ATP8A2: variants seen among roughly 807,000 people sequenced by gnomAD.
ATP8A2 encodes the protein ATPase phospholipid transporting 8A2, also known as phospholipid-transporting ATPase IB.
Under a neutral mutation model 165.6 loss-of-function variants are expected in ATP8A2, and 100 were observed. The observed-to-expected ratio is 0.60, with a 90% CI of 0.51 to 0.71. ATP8A2 has a LOEUF of 0.71. Among genes scored for constraint, ATP8A2 ranks in the 30% least tolerant of loss-of-function variants. ATP8A2 has a pLI of 0.00. For synonymous variants in ATP8A2, 543 were observed against 548.8 expected (o/e 0.99, Z 0.15); for missense variants, 1,227 against 1,479.5 (o/e 0.83, Z 2.80).
chr13:25,872,847 T>C (rs1358676788), intron 33 of ATP8A2, among the ~76,000 whole-genome samples: 2 of 152,180 alleles, frequency 1.3e-5, no homozygotes, highest in Non-Finnish European at 2.9e-5. Context: ...CAAAATATTA[T>C]CACTTTGAGA....
At chr13:25,934,128 G>C (rs1422700364) in intron 33 of ATP8A2, among the ~76,000 whole-genome samples, 1 of 152,238 alleles carries the variant, frequency 6.6e-6, no homozygotes, top group African/African-American at 2.4e-5. Context: ...AGTGTCAGTT[G>C]CTAACAGTTT....
At chr13:25,465,703 CTTT>C (rs1593346424) in intron 1 of ATP8A2, among the ~76,000 whole-genome samples, 8 of 20,872 alleles carry the variant, frequency 3.8e-4, no homozygotes, top group African/African-American at 9.1e-4. Context: ...TTCTTTCTTT[CTTT>C]CTTTCTTTCT....
chr13:26,004,469 G>T lies in ATP8A2; in HGVS notation c.3378-8062G>T, dbSNP rs147460614. Among the ~76,000 whole-genome samples the T allele has an allele frequency of 7.2e-3, 1,094 of 152,046 alleles. 6 individuals carry two copies. Among genetic ancestry groups the T allele is most frequent in the Non-Finnish European group, 0.011 (726 of 67,892 alleles). ...TGTACCAACAAACAGAGATAATTTT[G>T]CTTTTTTCTTTCCTATCAGGATACC... is the stretch of plus-strand genomic sequence containing the variant. On this transcript the variant is annotated intron_variant, in intron 35 of 36. Transcript: ENST00000381655.
At chr13:25,654,539 G>A (rs2041884671) in intron 24 of ATP8A2, among the ~76,000 whole-genome samples, 2 of 152,130 alleles carry the variant, frequency 1.3e-5, no homozygotes, top group South Asian at 4.1e-4. Context: ...TTGTTATGAT[G>A]TTAAGTCATT....
intron 1 of ATP8A2, among the ~76,000 whole-genome samples, chr13:25,446,822 A>G (rs2035081237): frequency 6.6e-6 from 1 of 151,470 alleles, no homozygotes; most frequent in Non-Finnish European, 1.5e-5. Flanking sequence ...TATATAAGAG[A>G]ACTTTGATTT....
rs1302109543 is a variant in ATP8A2 at position 26,023,356 on chromosome 13, G to A, written c.*3371G>A. ...GGAATATCCTGAGAAGTGAACCTGGGCTTTGGGAGAGCTCAGCTGAGAATT... is the reference window on the plus strand; with the variant it reads ...GGAATATCCTGAGAAGTGAACCTGGACTTTGGGAGAGCTCAGCTGAGAATT... On this transcript the variant is annotated 3_prime_UTR_variant, in exon 37 of 37. Coordinates refer to ENST00000381655, the MANE Select transcript of ATP8A2 (RefSeq NM_016529.6). 1 of 152,146 alleles carries A rather than the reference G, an allele frequency of 6.6e-6. No individual in the cohort carries two copies. The highest frequency in any genetic ancestry group is 1.9e-4 in the East Asian group (1 of 5,182). 9.4% of individuals were successfully genotyped at this position (152,146 alleles called of 1,614,324 possible).
intron 35 of ATP8A2, among the ~76,000 whole-genome samples, chr13:25,978,635 AC>A (rs1344823212): frequency 6.6e-6 from 1 of 152,122 alleles, no homozygotes; most frequent in Admixed American, 6.5e-5. Flanking sequence ...CTGGACTGTT[AC>A]AGGCAAAAAG....
chr13:25,650,385 TG>T (rs1290739548), intron 24 of ATP8A2, among the ~76,000 whole-genome samples: 1 of 152,210 alleles, frequency 6.6e-6, no homozygotes, highest in Non-Finnish European at 1.5e-5. Context: ...ACATTAGTTT[TG>T]TGATCTAGGA....
chr13:25,502,291 A>G (rs2036878373), intron 2 of ATP8A2, among the ~76,000 whole-genome samples: 1 of 152,242 alleles, frequency 6.6e-6, no homozygotes, highest in South Asian at 2.1e-4. Context: ...GCAATGAAAA[A>G]GGAGAAATAA....
chr13:25,839,925 G>A (rs1430734202), intron 30 of ATP8A2, among the ~76,000 whole-genome samples: 3 of 152,160 alleles, frequency 2.0e-5, no homozygotes, highest in East Asian at 1.9e-4. Context: ...GCCCTGTACT[G>A]TAATGAAATG....
At chr13:25,738,347 C>A (rs976897695) in intron 25 of ATP8A2, among the ~76,000 whole-genome samples, 6 of 144,108 alleles carry the variant, frequency 4.2e-5, no homozygotes, top group African/African-American at 1.3e-4. Flanking sequence ...CCCTCCCCCC[C>A]CCCCACACAC....
At chr13:25,464,207 G>A (rs931990303) in intron 1 of ATP8A2, among the ~76,000 whole-genome samples, 1 of 152,104 alleles carries the variant, frequency 6.6e-6, no homozygotes, top group African/African-American at 2.4e-5. Context: ...TGGGCACCTG[G>A]TGGTGATCTA....
chr13:25,384,033 T>C (rs528427988), intron 1 of ATP8A2, among the ~76,000 whole-genome samples: 22 of 152,294 alleles, frequency 1.4e-4, no homozygotes, highest in Non-Finnish European at 2.6e-4. Flanking sequence ...ATCTGTCTTA[T>C]TTTTTTCATG....
At chr13:25,888,019 G>A (rs1655097953) in intron 33 of ATP8A2, among the ~76,000 whole-genome samples, 1 of 151,494 alleles carries the variant, frequency 6.6e-6, no homozygotes, top group Admixed American at 6.6e-5. Flanking sequence ...GGAAGTTGAT[G>A]GCACTGCCCA....
chr13:26,012,561 G>A lies in ATP8A2; in HGVS notation c.3408G>A (p.Arg1136=). 2 of 1,535,834 alleles carry A rather than the reference G, an allele frequency of 1.3e-6. No homozygotes were observed. Among genetic ancestry groups the A allele is most frequent in the Non-Finnish European group, 1.8e-6 (2 of 1,140,682 alleles). ...RLNERDRLIK[R]LGRKTPPTLF... ...ACGAGCGCGACCGCCTGATCAAGAG[G>A]CTGGGCCGGAAGACGCCCCCGACGC... The change falls in exon 36 of 37, where the codon AGG becomes AGA. Residue 1136 remains arginine, a synonymous_variant. Transcript: ENST00000381655.
intron 1 of ATP8A2, among the ~76,000 whole-genome samples, chr13:25,395,553 A>G (rs1402643458): frequency 6.6e-6 from 1 of 152,186 alleles, no homozygotes; most frequent in East Asian, 1.9e-4. Flanking sequence ...TAGGTTTAAC[A>G]AAGTATGGAG....
chr13:25,581,732 C>G (rs573813063), intron 22 of ATP8A2, 87 bp from the exon 23 acceptor site: 1 of 1,248,464 alleles, frequency 8.0e-7, no homozygotes, highest in Non-Finnish European at 1.2e-6. Context: ...GTCTCAGAAC[C>G]GTTTGATTGC....
intron 27 of ATP8A2, among the ~76,000 whole-genome samples, chr13:25,791,249 C>T (rs938443484): frequency 2.0e-5 from 3 of 151,984 alleles, no homozygotes; most frequent in Non-Finnish European, 2.9e-5. Flanking sequence ...ATGGATGGAG[C>T]TGGAGGCCAT....
chr13:25,889,892 G>A (rs776159968), intron 33 of ATP8A2, among the ~76,000 whole-genome samples: 5 of 152,064 alleles, frequency 3.3e-5, no homozygotes, highest in Non-Finnish European at 7.3e-5. Context: ...GCCGGGCGCG[G>A]TGGTTCACGC....
Sources: gnomAD v4.1 joint callset for allele counts (sites outside exome capture counted in the v4.1 genomes callset) on GRCh38, gnomAD v4.1.1 for gene constraint, MANE v1.5 for transcripts, NCBI Gene and HGNC (gene_info 2026-07-23, HGNC 2026-07-21) for gene names.